Variants in FRMD5 observed in about 807,000 individuals in gnomAD.
FRMD5 encodes the protein FERM domain-containing protein 5.
In FRMD5, 20 loss-of-function variants were observed where a neutral mutation model predicts 69.0. The ratio of observed to expected loss-of-function variants is 0.29; its 90% confidence interval spans 0.20 to 0.42. The LOEUF (loss-of-function observed/expected upper bound fraction) is 0.42. FRMD5 is among the 10% of genes least tolerant of loss of function. The pLI, the probability that FRMD5 is intolerant of heterozygous loss-of-function variation, is 1.00. For missense variants in FRMD5, 595 were observed against 708.6 expected (o/e 0.84, Z 1.82); for synonymous variants, 271 against 260.1 (o/e 1.04, Z -0.40).
chr15:43,955,218 A>T (rs985585817), intron 1 of FRMD5, among the ~76,000 whole-genome samples: 20 of 152,198 alleles, frequency 1.3e-4, no homozygotes, highest in African/African-American at 4.6e-4. Context: ...AGCTAAACAC[A>T]GGGCACTCCT....
chr15:43,888,095 T>G, intron 10 of FRMD5, 80 bp downstream of exon 10: 2 of 1,104,994 alleles, frequency 1.8e-6, no homozygotes, highest in Non-Finnish European at 2.7e-6. Context: ...CCCAAGTTCC[T>G]GGGCACTTGG....
chr15:44,154,076 C>T (rs950966165), intron 1 of FRMD5, among the ~76,000 whole-genome samples: 1 of 152,198 alleles, frequency 6.6e-6, no homozygotes, highest in African/African-American at 2.4e-5. Flanking sequence ...AGTCCTAGCA[C>T]TTTGGAAGGC....
intron 1 of FRMD5, among the ~76,000 whole-genome samples, chr15:44,172,400 G>C (rs1261456829): frequency 6.6e-6 from 1 of 151,812 alleles, no homozygotes; most frequent in African/African-American, 2.4e-5. Context: ...GTTCAGGTGT[G>C]AGCCACCATA....
Position 43,883,926 on chromosome 15 carries a change from CTT to C in FRMD5, c.1029-119_1029-118del, listed in dbSNP as rs983809510. ...GGCTATATTAAGTCTTGGTCTCTCT[CTT>C]TTTTAAAATCTTTAATACCTTCTCT... On this transcript the variant is annotated intron_variant, in intron 12 of 13. Coordinates refer to ENST00000417257, the MANE Select transcript of FRMD5 (RefSeq NM_032892.5). 5.4e-6 allele frequency: 4 copies of C among 742,144 alleles called. No homozygotes were observed. In the African/African-American group the frequency reaches 7.0e-5, roughly 13 times the overall value. The allele number at this position is 742,144 out of a possible 1,614,324, so 46.0% of individuals were successfully genotyped here.
intron 1 of FRMD5, among the ~76,000 whole-genome samples, chr15:44,175,409 T>C (rs2706484): frequency 0.9 from 136,204 of 152,176 alleles, 62,001 homozygotes; most frequent in East Asian, 1. Flanking sequence ...AAAACCTCAA[T>C]GAAATATCAC....
intron 12 of FRMD5, 96 bp downstream of exon 12, chr15:43,884,631 C>T (rs2088618115): frequency 1.9e-6 from 2 of 1,072,400 alleles, no homozygotes; most frequent in African/African-American, 1.6e-5. Context: ...TTTTTGGTAG[C>T]CACTGGAGCC....
chr15:43,953,530 A>G (rs118186362), intron 1 of FRMD5, among the ~76,000 whole-genome samples: 2,058 of 152,364 alleles, frequency 0.014, 23 homozygotes, highest in Non-Finnish European at 0.022. Context: ...TATGGCCTAC[A>G]TTGTAGACAT....
At chr15:43,905,031 GA>G (rs1387986265) in intron 6 of FRMD5, among the ~76,000 whole-genome samples, 26 of 151,924 alleles carry the variant, frequency 1.7e-4, no homozygotes, top group Non-Finnish European at 4.4e-5. Context: ...CAGCATTTAT[GA>G]ATCAGCCCTG....
chr15:44,052,061 G>A (rs1175211295), intron 1 of FRMD5, among the ~76,000 whole-genome samples: 4 of 151,826 alleles, frequency 2.6e-5, no homozygotes, highest in Admixed American at 6.6e-5. Context: ...GTGAGGAGTT[G>A]TGCTCCACCT....
chr15:43,963,664 C>G (rs980184888), intron 1 of FRMD5, among the ~76,000 whole-genome samples: 2 of 152,150 alleles, frequency 1.3e-5, no homozygotes, highest in African/African-American at 4.8e-5. Flanking sequence ...ACCCAAATGT[C>G]CAACAATGAT....
chr15:44,135,321 T>C (rs1313640346), intron 1 of FRMD5, among the ~76,000 whole-genome samples: 1 of 151,942 alleles, frequency 6.6e-6, no homozygotes, highest in African/African-American at 2.4e-5. Context: ...ACAAGCCTAC[T>C]ATGAACAAAA....
intron 1 of FRMD5, among the ~76,000 whole-genome samples, chr15:43,940,261 C>G (rs2089839383): frequency 1.3e-5 from 2 of 152,210 alleles, no homozygotes; most frequent in South Asian, 4.1e-4. Flanking sequence ...TGAACAGTTT[C>G]TGGGGCAGCC....
intron 1 of FRMD5, among the ~76,000 whole-genome samples, chr15:44,054,266 C>G (rs552787724): frequency 6.6e-6 from 1 of 152,230 alleles, no homozygotes; most frequent in African/African-American, 2.4e-5. Context: ...GAAAATGAGG[C>G]ATTGAGGGAA....
rs568315290 is a variant in FRMD5, at chr15:44,187,370, T to C, written c.102+7583A>G. Among the ~76,000 whole-genome samples the C allele has an allele frequency of 7.1e-4, 108 of 152,328 alleles. 1 individual carries two copies. The South Asian group carries it at 0.02, about 29-fold the overall frequency. On this transcript the variant is annotated intron_variant, in intron 1 of 13. Coordinates refer to ENST00000417257, the MANE Select transcript of FRMD5 (RefSeq NM_032892.5). Reference sequence around the variant, plus strand: ...ATTCCTCTCTGCATGTCAAGTATGATTGAAATTTACTGACAGGAATTTTCC... The same window carrying C: ...ATTCCTCTCTGCATGTCAAGTATGACTGAAATTTACTGACAGGAATTTTCC...
intron 1 of FRMD5, among the ~76,000 whole-genome samples, chr15:44,076,272 G>A (rs1893760437): frequency 6.6e-6 from 1 of 151,528 alleles, no homozygotes; most frequent in South Asian, 2.1e-4. Flanking sequence ...CCCATTACTG[G>A]GTACATACCC....
intron 1 of FRMD5, among the ~76,000 whole-genome samples, chr15:43,975,408 C>G (rs930125527): frequency 6.6e-6 from 1 of 152,094 alleles, no homozygotes; most frequent in Non-Finnish European, 1.5e-5. Context: ...GATCACCCAG[C>G]AGAGATATTC....
At chr15:44,071,971 T>C (rs561261859) in intron 1 of FRMD5, among the ~76,000 whole-genome samples, 1 of 152,254 alleles carries the variant, frequency 6.6e-6, no homozygotes, top group African/African-American at 2.4e-5. Flanking sequence ...GTCCAAGTGA[T>C]TCTCCTGCCT....
At chr15:44,061,722 T>A (rs990610570) in intron 1 of FRMD5, among the ~76,000 whole-genome samples, 1 of 152,230 alleles carries the variant, frequency 6.6e-6, no homozygotes, top group African/African-American at 2.4e-5. Flanking sequence ...TGGGTGGTTA[T>A]GAATGTTGCA....
chr15:44,031,403 T>C (rs1891676985), intron 1 of FRMD5, among the ~76,000 whole-genome samples: 1 of 152,218 alleles, frequency 6.6e-6, no homozygotes, highest in African/African-American at 2.4e-5. Context: ...CAGAAATTTA[T>C]TTCTCATAGT....
Sources: gnomAD v4.1 joint callset for allele counts (sites outside exome capture counted in the v4.1 genomes callset) on GRCh38, gnomAD v4.1.1 for gene constraint, MANE v1.5 for transcripts, NCBI Gene and HGNC (gene_info 2026-07-23, HGNC 2026-07-21) for gene names.